The following GABRG1 variants were observed in gnomAD, a reference collection of about 807,000 sequenced individuals.
The protein encoded by GABRG1 is gamma-aminobutyric acid receptor subunit gamma-1.
Under a neutral mutation model 49.8 loss-of-function variants are expected in GABRG1, and 49 were observed. The ratio of observed to expected loss-of-function variants is 0.98; its 90% CI spans 0.78 to 1.25. The LOEUF is 1.25. Ranked by LOEUF, GABRG1 falls within the 50% of genes most tolerant of loss-of-function variation. The pLI is 0.00. For synonymous variants in GABRG1, 232 were observed against 185.1 expected, an observed-to-expected ratio of 1.25 and a Z score of -2.06; for missense variants, 552 against 552.3, an observed-to-expected ratio of 1.00 and a Z score of 0.01.
At chr4:46,070,401 G>A (rs6841947) in intron 3 of GABRG1, among the ~76,000 whole-genome samples, 86,303 of 151,670 alleles carry the variant, frequency 0.57, 25,062 homozygotes, top group African/African-American at 0.64. Context: ...AGACCATGAA[G>A]TAATGCAATC....
chr4:46,120,633 A>G (rs1577675382), intron 1 of GABRG1, among the ~76,000 whole-genome samples: 1 of 151,838 alleles, frequency 6.6e-6, no homozygotes, highest in Admixed American at 6.6e-5. Flanking sequence ...AATTTAAGCC[A>G]AAAATCTAGA....
chr4:46,038,653 C>A lies in GABRG1; in HGVS notation c.*2335G>T, dbSNP rs952392805. On this transcript the variant is annotated 3_prime_UTR_variant, in exon 9 of 9. Coordinates refer to ENST00000295452, the MANE Select transcript of GABRG1 (RefSeq NM_173536.4). ...TTTGAAAAAAAGCTGTATTTGATTT[C>A]TTGAGAAAGAAGTCTAAATGTAGTT... 19 of 151,514 alleles carry A rather than the reference C, an allele frequency of 1.3e-4. No homozygotes were observed. The highest frequency in any genetic ancestry group is 2.2e-4 in the Non-Finnish European group (15 of 67,640). 9.4% of individuals were successfully genotyped at this position (151,514 alleles called of 1,614,324 possible). A position where few individuals can be genotyped will look rare whatever the true frequency, so the allele number is the denominator to read the frequency against.
At chr4:46,061,819 T>TG (rs1456502487) in intron 5 of GABRG1, among the ~76,000 whole-genome samples, 1 of 151,350 alleles carries the variant, frequency 6.6e-6, no homozygotes, top group East Asian at 1.9e-4. Context: ...CTTACATTTT[T>TG]TTTTTTTTGG....
At chr4:46,087,329 G>A (rs569415208) in intron 2 of GABRG1, among the ~76,000 whole-genome samples, 1 of 151,636 alleles carries the variant, frequency 6.6e-6, no homozygotes, top group East Asian at 1.9e-4. Flanking sequence ...TTCACTGGTA[G>A]TAATATATCA....
At chr4:46,077,605 A>C (rs1190087370) in intron 3 of GABRG1, among the ~76,000 whole-genome samples, 1 of 152,124 alleles carries the variant, frequency 6.6e-6, no homozygotes, top group South Asian at 2.1e-4. Context: ...TAAAATAGGT[A>C]TAACTTCACA....
intron 1 of GABRG1, among the ~76,000 whole-genome samples, chr4:46,113,429 C>T (rs1034173290): frequency 6.6e-6 from 1 of 150,920 alleles, no homozygotes; most frequent in Non-Finnish European, 1.5e-5. Context: ...TAACTGCCCC[C>T]ATGATTCAAT....
chr4:46,108,529 A>G (rs1334483966), intron 1 of GABRG1, among the ~76,000 whole-genome samples: 1 of 151,090 alleles, frequency 6.6e-6, no homozygotes, highest in Non-Finnish European at 1.5e-5. Flanking sequence ...TAATGACAGA[A>G]GTTTTGTGCT....
intron 7 of GABRG1, among the ~76,000 whole-genome samples, chr4:46,052,538 G>A (rs942383739): frequency 6.6e-6 from 1 of 151,824 alleles, no homozygotes; most frequent in Non-Finnish European, 1.5e-5. Context: ...TCCTGTATGT[G>A]TATCCTTGAA....
rs1022085243 is a variant in GABRG1, at chr4:46,039,675, T to C, written c.*1313A>G. On this transcript the variant is annotated 3_prime_UTR_variant, in exon 9 of 9. Transcript: ENST00000295452. ...GTATGTCAAGCTACTTACAGGATTATAATGATTGAAGCCTAAATTTATTCT... is the reference window on the plus strand; with the variant it reads ...GTATGTCAAGCTACTTACAGGATTACAATGATTGAAGCCTAAATTTATTCT... 6.6e-6 allele frequency: 1 copy of C among 151,784 alleles called. No homozygotes were observed. Among genetic ancestry groups the C allele is most frequent in the Non-Finnish European group, 1.5e-5 (1 of 67,786 alleles). The allele number at this position is 151,784 out of a possible 1,614,324, so 9.4% of individuals were successfully genotyped here. A position where few individuals can be genotyped will look rare whatever the true frequency, so the allele number is the denominator to read the frequency against.
intron 2 of GABRG1, among the ~76,000 whole-genome samples, chr4:46,095,845 G>A (rs531684796): frequency 2.0e-5 from 3 of 151,678 alleles, no homozygotes; most frequent in South Asian, 2.1e-4. Context: ...TTTTAGGTTC[G>A]GGGTTACAAG....
chr4:46,043,462 A>C (rs1047733951), intron 8 of GABRG1, among the ~76,000 whole-genome samples: 46 of 152,122 alleles, frequency 3.0e-4, no homozygotes, highest in African/African-American at 1.0e-3. Flanking sequence ...ATAAATGCTG[A>C]GAAAAATAGC....
chr4:46,060,932 C>A (rs987916577), intron 5 of GABRG1, among the ~76,000 whole-genome samples: 14 of 152,046 alleles, frequency 9.2e-5, no homozygotes, highest in African/African-American at 1.9e-4. Flanking sequence ...TGAAATCTTC[C>A]ACACATATTT....
intron 1 of GABRG1, among the ~76,000 whole-genome samples, chr4:46,114,990 A>G (rs927280474): frequency 1.3e-5 from 2 of 150,978 alleles, no homozygotes; most frequent in South Asian, 2.1e-4. Context: ...GACAAAGTAA[A>G]TATTTTGCCT....
At chr4:46,094,270 T>C (rs1720099056) in intron 2 of GABRG1, among the ~76,000 whole-genome samples, 1 of 151,974 alleles carries the variant, frequency 6.6e-6, no homozygotes, top group Non-Finnish European at 1.5e-5. Flanking sequence ...TCAAAATGAC[T>C]GTAAATGTCA....
chr4:46,085,727 G>T (rs1252858826), intron 2 of GABRG1, among the ~76,000 whole-genome samples: 1 of 151,552 alleles, frequency 6.6e-6, no homozygotes, highest in African/African-American at 2.4e-5. Context: ...ATGACTCATT[G>T]TTGCTTTGAT....
intron 2 of GABRG1, among the ~76,000 whole-genome samples, chr4:46,095,416 GA>G (rs1198526668): frequency 6.6e-6 from 1 of 151,464 alleles, no homozygotes; most frequent in Non-Finnish European, 1.5e-5. Flanking sequence ...ATTACATTTT[GA>G]AAAAAATGTA....
intron 1 of GABRG1, 143 bp downstream of exon 1, chr4:46,123,667 G>C (rs1257804421): frequency 1.6e-6 from 1 of 621,306 alleles, no homozygotes; most frequent in East Asian, 2.8e-5. Flanking sequence ...GATCTAATCA[G>C]AAAATAAAAC....
At chr4:46,084,154 C>A (rs1018673571) in intron 2 of GABRG1, 101 bp from the exon 3 acceptor site, 1 of 638,750 alleles carries the variant, frequency 1.6e-6, no homozygotes, top group Non-Finnish European at 2.8e-6. Context: ...TATATATTAA[C>A]ACTTCAATCA....
At chr4:46,091,246 T>A (rs1216912232) in intron 2 of GABRG1, among the ~76,000 whole-genome samples, 1 of 151,954 alleles carries the variant, frequency 6.6e-6, no homozygotes. Context: ...ACCAAGGAAA[T>A]TACGCTAGTT....
Sources: gnomAD v4.1 joint callset for allele counts (sites outside exome capture counted in the v4.1 genomes callset) on GRCh38, gnomAD v4.1.1 for gene constraint, MANE v1.5 for transcripts, NCBI Gene and HGNC (gene_info 2026-07-23, HGNC 2026-07-21) for gene names.